Variants in KLF16 observed in about 807,000 individuals in gnomAD.
KLF16 encodes the protein Krueppel-like factor 16.
A neutral mutation model predicts 6.1 loss-of-function variants in KLF16; 6 were observed. The observed-to-expected ratio is 0.98, with a 90% CI of 0.54 to 1.93. The LOEUF is 1.93. Ranked by LOEUF, KLF16 falls within the 30% of genes most tolerant of loss-of-function variation. The pLI, the probability that KLF16 is intolerant of heterozygous loss-of-function variation, is 0.01. For missense variants in KLF16, 355 were observed against 363.8 expected, an observed-to-expected ratio of 0.98 and a Z score of 0.20; for synonymous variants, 211 against 176.5, an observed-to-expected ratio of 1.20 and a Z score of -1.55.
intron 1 of KLF16, among the ~76,000 whole-genome samples, chr19:1,858,268 G>C (rs1156359331): frequency 6.6e-6 from 1 of 152,142 alleles, no homozygotes; most frequent in Admixed American, 6.5e-5. Context: ...CTCCCGCCTG[G>C]GCACCCAGAC....
At chr19:1,869,256 C>T in the KLF16 span, among the ~76,000 whole-genome samples, 1 of 152,164 alleles carries the variant, frequency 6.6e-6, no homozygotes, top group East Asian at 1.9e-4. Context: ...ACAGGTGGAT[C>T]ACTTCAGGTC....
chr19:1,871,839 C>G, the KLF16 span, among the ~76,000 whole-genome samples: 1 of 152,172 alleles, frequency 6.6e-6, no homozygotes, highest in Non-Finnish European at 1.5e-5. Flanking sequence ...CTGGGGTCCA[C>G]GGCATCCATG....
the KLF16 span, chr19:1,875,263 ACCCT>A: frequency 6.6e-6 from 1 of 152,152 alleles, no homozygotes. Flanking sequence ...GACAGCAAAA[ACCCT>A]AAATTTCTAC....
upstream of KLF16, among the ~76,000 whole-genome samples, chr19:1,867,089 G>T (rs1167355899): frequency 2.6e-5 from 4 of 152,210 alleles, no homozygotes; most frequent in Non-Finnish European, 5.9e-5. Flanking sequence ...GGTGTTGCTG[G>T]GAGTGGGTCT....
At chr19:1,856,629 G>A (rs1309099760) in intron 1 of KLF16, among the ~76,000 whole-genome samples, 1 of 152,186 alleles carries the variant, frequency 6.6e-6, no homozygotes, top group Non-Finnish European at 1.5e-5. Context: ...AGCAAGAGGC[G>A]CAGAGCAGCC....
chr19:1,870,767 G>A, the KLF16 span, among the ~76,000 whole-genome samples: 4 of 152,146 alleles, frequency 2.6e-5, no homozygotes, highest in Admixed American at 1.3e-4. Context: ...AGGCAGAGGC[G>A]GGCAGGTCAC....
In KLF16 at chr19:1,863,272, G is replaced by A; in HGVS notation, c.226C>T (p.Pro76Ser). 1 of 995,226 alleles carries A rather than the reference G, an allele frequency of 1.0e-6. No individual in the cohort carries two copies. The highest frequency in any genetic ancestry group is 1.1e-4 in the East Asian group (1 of 9,272). The allele number at this position is 995,226 out of a possible 1,614,324, so 61.6% of individuals were successfully genotyped here. ...AGGATGCTGGCGGCCAGCAGGTGGGGCGCCGCGGCGGCGCCGGGGCCCGGG... is the reference window on the plus strand; with the variant it reads ...AGGATGCTGGCGGCCAGCAGGTGGGACGCCGCGGCGGCGCCGGGGCCCGGG... ...SGPGPGAAAAPHLLAASILAD... is the reference protein window; with the variant it reads ...SGPGPGAAAASHLLAASILAD... The change falls in exon 1 of 2, where the codon CCC (proline) becomes TCC (serine). Residue 76 changes from proline to serine, a missense_variant. Transcript: ENST00000250916.
upstream of KLF16, among the ~76,000 whole-genome samples, chr19:1,863,800 C>T (rs1218748487): frequency 7.0e-6 from 1 of 142,984 alleles, no homozygotes; most frequent in Non-Finnish European, 1.6e-5. Flanking sequence ...CCGCCGGGGG[C>T]GGGGCTCGGG....
intron 1 of KLF16, among the ~76,000 whole-genome samples, chr19:1,855,370 C>G (rs1277967355): frequency 1.3e-5 from 2 of 151,896 alleles, no homozygotes; most frequent in Admixed American, 6.6e-5. Flanking sequence ...GTCTGGGCCC[C>G]GATCTCGGGG....
Position 1,857,456 on chromosome 19 carries a change from C to A in KLF16, c.458-2696G>T, listed in dbSNP as rs955665315. On this transcript the variant is annotated intron_variant, in intron 1 of 1. Transcript: ENST00000250916. This position sits in a 1 kb window ranked among gnomAD's most constrained non-coding sequence, Gnocchi z 4.7. ...TGGGCGGGGCCGCGGTGGACTTGAC[C>A]CTCTGACTCAGGCTGGGCCCGGGTG... is the stretch of plus-strand genomic sequence containing the variant. 5.3e-5 allele frequency among the ~76,000 whole-genome samples: 8 copies of A among 152,176 alleles called. No individual in the cohort carries two copies. Among genetic ancestry groups the A allele is most frequent in the Non-Finnish European group, 1.2e-4 (8 of 68,022 alleles).
chr19:1,860,532 C>T (rs2012043247), intron 1 of KLF16: 1 of 152,246 alleles, frequency 6.6e-6, no homozygotes, highest in Non-Finnish European at 1.5e-5. Context: ...AGAAGCACTC[C>T]AGGCAGGGGT....
At chr19:1,869,569 C>CAGCT in the KLF16 span, among the ~76,000 whole-genome samples, 108 of 152,314 alleles carry the variant, frequency 7.1e-4, no homozygotes, top group Middle Eastern at 6.8e-3. Context: ...ACCACCCGTG[C>CAGCT]AGCTCTTCTG....
chr19:1,855,418 G>GA (rs1300461596), intron 1 of KLF16, among the ~76,000 whole-genome samples: 1 of 152,102 alleles, frequency 6.6e-6, no homozygotes, highest in Non-Finnish European at 1.5e-5. Flanking sequence ...AGCTCACAGG[G>GA]AGGGGAGGGG....
chr19:1,868,313 G>T (rs961187966), upstream of KLF16, among the ~76,000 whole-genome samples: 6 of 152,054 alleles, frequency 3.9e-5, no homozygotes, highest in Non-Finnish European at 7.4e-5. Context: ...TGCACCAGGG[G>T]GCCGAGGTCA....
chr19:1,864,311 C>G (rs1402163487), upstream of KLF16, among the ~76,000 whole-genome samples: 2 of 152,136 alleles, frequency 1.3e-5, no homozygotes, highest in African/African-American at 4.8e-5. Context: ...GCCTGGGGCC[C>G]TGCTTTGACC....
At chr19:1,864,847 A>C (rs1017960754), upstream of KLF16, among the ~76,000 whole-genome samples, 2 of 152,114 alleles carry the variant, frequency 1.3e-5, no homozygotes, top group Non-Finnish European at 2.9e-5. Context: ...CTCGGTCGCG[A>C]CCGCGCTCCC....
intron 1 of KLF16, among the ~76,000 whole-genome samples, chr19:1,859,999 G>A (rs905857039): frequency 6.6e-6 from 1 of 152,148 alleles, no homozygotes; most frequent in Non-Finnish European, 1.5e-5. Flanking sequence ...GGTAAGTGCG[G>A]AGGAGAGAAG....
chr19:1,862,463 C>T (rs2145369590), intron 1 of KLF16, among the ~76,000 whole-genome samples: 1 of 152,182 alleles, frequency 6.6e-6, no homozygotes, highest in South Asian at 2.1e-4. Context: ...AACCCGCGCT[C>T]CTAGCCTCGC....
intron 1 of KLF16, among the ~76,000 whole-genome samples, chr19:1,858,676 C>T (rs1046611752): frequency 1.3e-5 from 2 of 152,050 alleles, no homozygotes; most frequent in East Asian, 3.9e-4. Flanking sequence ...CTCCCCACCC[C>T]GCCGCCAAAC....
Sources: gnomAD v4.1 joint callset for allele counts (sites outside exome capture counted in the v4.1 genomes callset) on GRCh38, gnomAD v4.1.1 for gene constraint, Gnocchi (gnomAD v3.1) non-coding constraint, MANE v1.5 for transcripts, NCBI Gene and HGNC (gene_info 2026-07-23, HGNC 2026-07-21) for gene names.